The following CD109 variants were observed in gnomAD, a reference collection of about 807,000 sequenced individuals.
The protein encoded by CD109 is CD109 molecule.
A neutral mutation model predicts 165.8 loss-of-function variants in CD109; 149 were observed. The ratio of observed to expected loss-of-function variants is 0.90; its 90% CI spans 0.79 to 1.03. CD109 has a LOEUF of 1.03. CD109 is among the 50% of genes least tolerant of loss of function. The pLI is 0.00. For missense variants in CD109, 1,712 were observed against 1,677.8 expected, an observed-to-expected ratio of 1.02 and a Z score of -0.36; for synonymous variants, 585 against 592.1, an observed-to-expected ratio of 0.99 and a Z score of 0.18.
intron 23 of CD109, among the ~76,000 whole-genome samples, chr6:73,797,584 C>G (rs1213601451): frequency 1.3e-5 from 2 of 151,966 alleles, no homozygotes. Flanking sequence ...TTTTTTTTAT[C>G]AGCTTATTAC....
At chr6:73,736,232 C>A in intron 4 of CD109, 151 bp from the exon 5 acceptor site, 1 of 722,576 alleles carries the variant, frequency 1.4e-6, no homozygotes, top group Non-Finnish European at 2.2e-6. Flanking sequence ...TTTCCATCCT[C>A]ACATCCTGCC....
intron 3 of CD109, among the ~76,000 whole-genome samples, chr6:73,725,688 T>C (rs1228375532): frequency 6.6e-6 from 1 of 151,958 alleles, no homozygotes; most frequent in African/African-American, 2.4e-5. Flanking sequence ...TTTTTTTGTA[T>C]TTTTAGTAGG....
Position 73,806,918 on chromosome 6 carries a change from G to T in CD109, c.3035G>T (p.Arg1012Ile), listed in dbSNP as rs565913290. The change falls in exon 25 of 33, where the codon AGA becomes ATA. Residue 1012 changes from arginine (R) to isoleucine (I), a missense_variant. Coordinates refer to ENST00000287097, the MANE Select transcript of CD109 (RefSeq NM_133493.5). ...YIDIDQNVLH[R>I]TYTWLKGHQK... is the part of the protein sequence containing the mutation. ...GATATTGATCAGAATGTGTTACACA[G>T]AACATACACTTGGCTTAAAGGACAT... 70 of 1,613,902 alleles carry T rather than the reference G, an allele frequency of 4.3e-5. 1 individual carries two copies. The South Asian group carries it at 6.3e-4, about 14-fold the overall frequency.
At chr6:73,779,760 C>T (rs1366034759) in intron 15 of CD109, among the ~76,000 whole-genome samples, 1 of 151,810 alleles carries the variant, frequency 6.6e-6, no homozygotes, top group African/African-American at 2.4e-5. Flanking sequence ...ATTACTGGGT[C>T]ATATTCTAAT....
At chr6:73,738,286 A>C (rs1178630772) in intron 5 of CD109, among the ~76,000 whole-genome samples, 2 of 152,176 alleles carry the variant, frequency 1.3e-5, no homozygotes, top group East Asian at 3.8e-4. Flanking sequence ...GGTGTTCTTC[A>C]GTTCTTCTGA....
At chr6:73,745,478 G>A (rs891971794) in intron 5 of CD109, among the ~76,000 whole-genome samples, 1 of 152,162 alleles carries the variant, frequency 6.6e-6, no homozygotes, top group Admixed American at 6.5e-5. Context: ...GTATGCATTG[G>A]TGGAGAAGAT....
the CD109 span, among the ~76,000 whole-genome samples, chr6:73,682,072 C>A: frequency 6.6e-6 from 1 of 152,108 alleles, no homozygotes; most frequent in Non-Finnish European, 1.5e-5. Flanking sequence ...AAAACCATAT[C>A]ATTCCACCCC....
At chr6:73,821,358 T>C (rs1157560971) in intron 32 of CD109, among the ~76,000 whole-genome samples, 1 of 151,990 alleles carries the variant, frequency 6.6e-6, no homozygotes, top group Non-Finnish European at 1.5e-5. Flanking sequence ...GACCCCACAA[T>C]CCCGTTACTG....
chr6:73,697,668 A>C, intron 2 of CD109, 96 bp downstream of exon 2: 1 of 1,005,406 alleles, frequency 9.9e-7, no homozygotes, highest in Non-Finnish European at 1.5e-6. Context: ...GAAACCCCAA[A>C]TTTGCAGTAT....
intron 23 of CD109, among the ~76,000 whole-genome samples, chr6:73,798,659 T>A (rs1423617802): frequency 6.6e-6 from 1 of 152,130 alleles, no homozygotes; most frequent in Admixed American, 6.6e-5. Flanking sequence ...ACTGCAAAAC[T>A]GGTGATTGTC....
Position 73,773,317 on chromosome 6 carries a change from C to T in CD109, c.1827+1736C>T, listed in dbSNP as rs149065874. ...TTCATATTTTCCTGGTGTATTTTTACATTTCTTATTTTCAACCTTTTGTAA... is the reference window on the plus strand; with the variant it reads ...TTCATATTTTCCTGGTGTATTTTTATATTTCTTATTTTCAACCTTTTGTAA... On this transcript the variant is annotated intron_variant, in intron 15 of 32. Coordinates refer to ENST00000287097, the MANE Select transcript of CD109 (RefSeq NM_133493.5). Among the ~76,000 whole-genome samples, 167 of 151,396 alleles carry T rather than the reference C, an allele frequency of 1.1e-3. 1 individual carries two copies. The highest frequency in any genetic ancestry group is 3.9e-3 in the African/African-American group (161 of 41,390).
chr6:73,794,583 A>C (rs1317301597), intron 23 of CD109, among the ~76,000 whole-genome samples: 1 of 152,214 alleles, frequency 6.6e-6, no homozygotes, highest in Non-Finnish European at 1.5e-5. Flanking sequence ...AGGATGGCAC[A>C]GACAAAGGCT....
intron 30 of CD109, among the ~76,000 whole-genome samples, chr6:73,817,055 G>C (rs974145420): frequency 7.9e-5 from 12 of 152,142 alleles, no homozygotes; most frequent in African/African-American, 2.9e-4. Flanking sequence ...CTAGTTTTCT[G>C]AGAAAAATCT....
intron 3 of CD109, among the ~76,000 whole-genome samples, chr6:73,729,336 G>A (rs1376669674): frequency 2.3e-5 from 2 of 88,442 alleles, no homozygotes; most frequent in African/African-American, 1.3e-4. Context: ...CCACATCAAA[G>A]TGTGTGTGTG....
intron 30 of CD109, 74 bp from the exon 31 acceptor site, chr6:73,818,314 T>A (rs1252244208): frequency 3.3e-6 from 5 of 1,505,018 alleles, no homozygotes; most frequent in Non-Finnish European, 4.6e-6. Context: ...GTTTGATTTT[T>A]GTATGAAGAT....
At chr6:73,750,586 TA>T (rs1436594212) in intron 5 of CD109, among the ~76,000 whole-genome samples, 1 of 152,156 alleles carries the variant, frequency 6.6e-6, no homozygotes, top group Non-Finnish European at 1.5e-5. Context: ...ATAAAGCGCA[TA>T]AATAGCTATA....
intron 3 of CD109, among the ~76,000 whole-genome samples, chr6:73,729,208 T>A (rs746709266): frequency 1.4e-4 from 22 of 152,300 alleles, no homozygotes; most frequent in Non-Finnish European, 2.4e-4. Context: ...AAGAAGGTAT[T>A]CTTTTTCTGA....
upstream of CD109, chr6:73,696,023 G>C (rs1182425944): frequency 3.6e-6 from 2 of 559,718 alleles, no homozygotes; most frequent in Non-Finnish European, 6.3e-6. Context: ...CATTGTAATG[G>C]GGATGGGAGG....
intron 7 of CD109, among the ~76,000 whole-genome samples, chr6:73,760,846 AAAAAT>A (rs1232931308): frequency 1.3e-5 from 2 of 152,036 alleles, no homozygotes; most frequent in African/African-American, 2.4e-5. Flanking sequence ...CTCTGTCTCA[AAAAAT>A]AAAATAAAAT....
Sources: allele counts gnomAD v4.1 joint callset (sites outside exome capture counted in the v4.1 genomes callset), GRCh38; gene constraint gnomAD v4.1.1; transcripts MANE v1.5; gene names NCBI Gene and HGNC (gene_info 2026-07-23, HGNC 2026-07-21).